SEC24D: variants seen among roughly 807,000 people sequenced by gnomAD.
The protein encoded by SEC24D is protein transport protein Sec24D.
In SEC24D, 69 loss-of-function variants were observed where a neutral mutation model predicts 116.9. The observed-to-expected ratio is 0.59, with a 90% CI of 0.49 to 0.72. The LOEUF is 0.72. Among genes scored for constraint, SEC24D ranks in the 30% least tolerant of loss-of-function variants. SEC24D has a pLI of 0.00. For missense variants in SEC24D, 1,131 were observed against 1,264.1 expected (o/e 0.89, Z 1.60); for synonymous variants, 405 against 442.8 (o/e 0.91, Z 1.07).
intron 3 of SEC24D, among the ~76,000 whole-genome samples, chr4:118,819,322 G>C (rs1730289248): frequency 6.6e-6 from 1 of 152,022 alleles, no homozygotes; most frequent in African/African-American, 2.4e-5. Context: ...ACGAGGTCAG[G>C]AGATCGAGAC....
Position 118,752,841 on chromosome 4 carries a change from T to A in SEC24D, c.1469A>T (p.Tyr490Phe), listed in dbSNP as rs770671196. ...ATTAAAGAAATGGAGAACTTTGTTA[T>A]ATGTGATAAAACCCACTCGAATTGC... ...TSAIRVGFIT[Y>F]NKVLHFFNVK... Residue 490 changes from tyrosine (Y) to phenylalanine (F), a missense_variant, in exon 12 of 23, where the codon TAT (tyrosine) becomes TTT (phenylalanine). Transcript: ENST00000280551. 5.0e-6 allele frequency: 8 copies of A among 1,607,470 alleles called. No individual in the cohort carries two copies. The highest frequency in any genetic ancestry group is 1.7e-5 in the Admixed American group (1 of 58,542).
intron 9 of SEC24D, chr4:118,766,462 C>A (rs537113050): frequency 6.6e-6 from 1 of 152,186 alleles, no homozygotes; most frequent in Non-Finnish European, 1.5e-5. Context: ...TGTAGGGACA[C>A]ATATTTAAGC....
Position 118,833,653 on chromosome 4 carries a change from G to A in SEC24D, c.44C>T (p.Pro15Leu). The part of the protein sequence containing the change: ...GYVATPPYSQ[P>L]QPGIGLSPPH... Reference sequence around the variant, plus strand: ...TGGAGAAAGGCCTATTCCAGGCTGAGGCTGAGAATACGGAGGTGTAGCCAC... The same window carrying A: ...TGGAGAAAGGCCTATTCCAGGCTGAAGCTGAGAATACGGAGGTGTAGCCAC... The change falls in exon 2 of 23, where the codon CCT becomes CTT. Residue 15 changes from proline to leucine, a missense_variant. By Grantham distance (98) the Pro-to-Leu change is moderately conservative (BLOSUM62 -3). Coordinates refer to ENST00000280551, the MANE Select transcript of SEC24D (RefSeq NM_014822.4). 6.2e-7 allele frequency: 1 copy of A among 1,614,110 alleles called. No homozygotes were observed. Among genetic ancestry groups the A allele is most frequent in the Non-Finnish European group, 8.5e-7 (1 of 1,179,996 alleles).
intron 3 of SEC24D, among the ~76,000 whole-genome samples, chr4:118,819,526 G>A (rs138734592): frequency 0.06 from 5,669 of 94,454 alleles, 173 homozygotes; most frequent in Non-Finnish European, 0.08. Context: ...GGGAGACCCC[G>A]TCTCAAAAAA....
At chr4:118,814,749 T>A (rs1432175300) in intron 6 of SEC24D, among the ~76,000 whole-genome samples, 1 of 151,868 alleles carries the variant, frequency 6.6e-6, no homozygotes, top group Non-Finnish European at 1.5e-5. Context: ...AATATGTCAA[T>A]GTAAACATTG....
chr4:118,806,895 G>A (rs1387864485), intron 6 of SEC24D, among the ~76,000 whole-genome samples: 1 of 152,140 alleles, frequency 6.6e-6, no homozygotes, highest in African/African-American at 2.4e-5. Flanking sequence ...GCTGAGGTAG[G>A]AGGATTGCTT....
chr4:118,776,499 G>C (rs1728135086), intron 8 of SEC24D, among the ~76,000 whole-genome samples: 1 of 152,080 alleles, frequency 6.6e-6, no homozygotes, highest in South Asian at 2.1e-4. Context: ...AGTTTTTTCT[G>C]TCCTAGTTCA....
intron 2 of SEC24D, among the ~76,000 whole-genome samples, chr4:118,829,403 T>C (rs539829944): frequency 6.6e-6 from 1 of 152,182 alleles, no homozygotes; most frequent in South Asian, 2.1e-4. Flanking sequence ...TCCTGGCCAC[T>C]TGGGAAGCTG....
Position 118,815,644 on chromosome 4 carries a change from C to G in SEC24D, c.480G>C (p.Gln160His). 1 of 1,614,160 alleles carries G rather than the reference C, an allele frequency of 6.2e-7. No individual in the cohort carries two copies. The highest frequency in any genetic ancestry group is 1.6e-4 in the Middle Eastern group (1 of 6,062). ...GAGATCCAGGCTGCAAAATGGAAGGCTGTGGAGGTCGTGGAGGAGTCTGCA... is the reference window on the plus strand; with the variant it reads ...GAGATCCAGGCTGCAAAATGGAAGGGTGTGGAGGTCGTGGAGGAGTCTGCA... ...TSLQTPPRPP[Q>H]PSILQPGSQV... is the part of the protein sequence containing the mutation. The change falls in exon 5 of 23, where the codon CAG becomes CAC. Residue 160 changes from glutamine (Q) to histidine (H), a missense_variant. By Grantham distance (24) the Gln-to-His change is conservative (BLOSUM62 0). Coordinates refer to ENST00000280551, the MANE Select transcript of SEC24D (RefSeq NM_014822.4).
intron 9 of SEC24D, 148 bp downstream of exon 9, chr4:118,768,025 C>G (rs1039515817): frequency 1.5e-5 from 8 of 548,028 alleles, no homozygotes; most frequent in Non-Finnish European, 2.4e-5. Context: ...CAAATAGAGC[C>G]TGTCATAGTT....
At chr4:118,821,732 T>C (rs1376738692) in intron 3 of SEC24D, among the ~76,000 whole-genome samples, 9 of 152,242 alleles carry the variant, frequency 5.9e-5, no homozygotes, top group Admixed American at 1.3e-4. Context: ...CTATGCTCTT[T>C]GACAGCCTCT....
chr4:118,744,204 T>C (rs1726382166), intron 14 of SEC24D, 46 bp from the exon 15 acceptor site: 4 of 1,433,936 alleles, frequency 2.8e-6, no homozygotes, highest in Non-Finnish European at 2.8e-6. Context: ...AATTACAAAA[T>C]GTTTTTGGTT....
intron 15 of SEC24D, among the ~76,000 whole-genome samples, chr4:118,742,373 T>G (rs200726328): frequency 5.4e-4 from 80 of 149,180 alleles, no homozygotes; most frequent in South Asian, 1.5e-3. Context: ...TTTGGAAAAG[T>G]GGGGGGGGGA....
intron 22 of SEC24D, among the ~76,000 whole-genome samples, chr4:118,728,082 A>G (rs1396199382): frequency 6.6e-6 from 1 of 152,198 alleles, no homozygotes; most frequent in Non-Finnish European, 1.5e-5. Context: ...GCAACAACAT[A>G]TAATTTTCTT....
intron 11 of SEC24D, among the ~76,000 whole-genome samples, chr4:118,753,679 G>T (rs971704519): frequency 6.6e-6 from 1 of 151,880 alleles, no homozygotes; most frequent in African/African-American, 2.4e-5. Flanking sequence ...GAATTTCATG[G>T]TCTAAACTTA....
Position 118,768,247 on chromosome 4 carries a change from T to C in SEC24D, c.1106A>G (p.Tyr369Cys). Residue 369 changes from tyrosine to cysteine, a missense_variant, in exon 9 of 23, where the codon TAC becomes TGC. Transcript: ENST00000280551. ...GPVRCNRCKA[Y>C]MCPFMQFIEG... is the part of the protein sequence containing the mutation. ...GATGAACTGCATAAATGGGCACATG[T>C]AGGCCTTGCACCTGTTGCATCTGAC... The C allele has an allele frequency of 6.2e-7, 1 of 1,613,874 alleles. No individual in the cohort carries two copies. The highest frequency in any genetic ancestry group is 8.5e-7 in the Non-Finnish European group (1 of 1,179,772).
chr4:118,791,194 A>G (rs952942472), intron 8 of SEC24D, among the ~76,000 whole-genome samples: 1 of 152,118 alleles, frequency 6.6e-6, no homozygotes, highest in African/African-American at 2.4e-5. Flanking sequence ...TGGGGTGCAG[A>G]GATCAGAAGT....
chr4:118,781,666 A>C (rs900124232), intron 8 of SEC24D, among the ~76,000 whole-genome samples: 3 of 152,248 alleles, frequency 2.0e-5, no homozygotes, highest in African/African-American at 7.2e-5. Flanking sequence ...TCTCCTGGAT[A>C]ATGTTCTGAA....
chr4:118,787,637 C>A (rs1368922149), intron 8 of SEC24D, among the ~76,000 whole-genome samples: 1 of 152,006 alleles, frequency 6.6e-6, no homozygotes, highest in Non-Finnish European at 1.5e-5. Flanking sequence ...TATAGTGAGA[C>A]CCTGTCTTTA....
Sources: gnomAD v4.1 joint callset for allele counts (sites outside exome capture counted in the v4.1 genomes callset) on GRCh38, gnomAD v4.1.1 for gene constraint, MANE v1.5 for transcripts, NCBI Gene and HGNC (gene_info 2026-07-23, HGNC 2026-07-21) for gene names.